The following ADAM33 variants were observed in gnomAD, a reference collection of about 807,000 sequenced individuals.
ADAM33 encodes the protein ADAM metallopeptidase domain 33, also known as disintegrin and metalloproteinase domain-containing protein 33.
A neutral mutation model predicts 106.2 loss-of-function variants in ADAM33; 103 were observed. The ratio of observed to expected loss-of-function variants is 0.97; its 90% CI spans 0.83 to 1.14. The LOEUF (loss-of-function observed/expected upper bound fraction) is 1.14. Ranked by LOEUF, ADAM33 falls within the 50% of genes most tolerant of loss-of-function variation. The probability of loss-of-function intolerance (pLI) is 0.00; values close to 1 mark genes in which losing one functional copy is unlikely to be tolerated. For synonymous variants in ADAM33, 483 were observed against 453.0 expected (o/e 1.07, Z -0.84); for missense variants, 1,120 against 1,096.6 (o/e 1.02, Z -0.30).
chr20:3,673,995 A>T lies in ADAM33; in HGVS notation c.738+69T>A, dbSNP rs947166630. ...CGTGGGGCGCCCTTCCTCTTCCCCA[A>T]ACCCCACCAGCACCTGCCTGTCCTG... is the stretch of plus-strand genomic sequence containing the variant. On this transcript the variant is annotated intron_variant, in intron 8 of 21. Coordinates refer to ENST00000356518, the MANE Select transcript of ADAM33 (RefSeq NM_025220.5). The T allele has an allele frequency of 2.5e-6, 4 of 1,609,296 alleles. No homozygotes were observed. In the Middle Eastern group the frequency reaches 5.2e-4, roughly 209 times the overall value.
At chr20:3,669,221 G>A in intron 21 of ADAM33, 78 bp downstream of exon 21, 1 of 1,363,372 alleles carries the variant, frequency 7.3e-7, no homozygotes, top group Non-Finnish European at 1.0e-6. Flanking sequence ...CTGATTAGGG[G>A]GCAGCAAACT....
rs942823468 is a variant in ADAM33 at position 3,673,020 on chromosome 20, A to T, written c.1134-122T>A. 2.8e-6 allele frequency: 4 copies of T among 1,435,112 alleles called. No homozygotes were observed. The East Asian group carries it at 7.6e-5, about 27-fold the overall frequency. The allele number at this position is 1,435,112 out of a possible 1,614,324, so 88.9% of individuals were successfully genotyped here. A position where few individuals can be genotyped will look rare whatever the true frequency, so the allele number is the denominator to read the frequency against. On this transcript the variant is annotated intron_variant, in intron 11 of 21. Transcript: ENST00000356518. ...CGCGCAGAGCCCAGAGAGGGGAAGT[A>T]ACCCGCGCAAAGTCACACAACAAGC...
In ADAM33 at chr20:3,669,599, CCGCCCAGGGGGTGG is replaced by C; in HGVS notation, c.2265_2278del (p.Asp755GlufsTer21). 1 of 1,604,000 alleles carries C rather than the reference CCGCCCAGGGGGTGG, an allele frequency of 6.2e-7. No individual in the cohort carries two copies. On this transcript the variant is annotated frameshift_variant, in exon 20 of 22. Coordinates refer to ENST00000356518, the MANE Select transcript of ADAM33 (RefSeq NM_025220.5). LOFTEE classifies it high-confidence loss of function. The stretch of plus-strand genomic sequence containing the variant: ...GGGGCCCAACTCCATGGGGTGAACG[CCGCCCAGGGGGTGG>C]TCCCTGTGTGGGCCATCTTTGGGGC...
Position 3,673,476 on chromosome 20 carries a change from G to A in ADAM33, c.1011C>T (p.Ile337=), listed in dbSNP as rs1489457668. ...CATGGGCCATGGTGGCTGCGGCGCC[G>A]ATGGGGAGCTCCGAGTGGTCCTGGG... ...GVSTDHSELP[I]GAAATMAHEI... Residue 337 remains isoleucine, a synonymous_variant, in exon 11 of 22, where the codon ATC becomes ATT. Transcript: ENST00000356518. 1 of 1,536,836 alleles carries A rather than the reference G, an allele frequency of 6.5e-7. No homozygotes were observed. The highest frequency in any genetic ancestry group is 8.7e-7 in the Non-Finnish European group (1 of 1,148,616).
intron 19 of ADAM33, 23 bp downstream of exon 19, chr20:3,670,983 G>T: frequency 6.5e-7 from 1 of 1,532,648 alleles, no homozygotes. Flanking sequence ...AGTAGGCTCA[G>T]GAAGCAGGCG....
In ADAM33 at chr20:3,674,300, T is replaced by G. The variant is rs1423801308; in HGVS notation, c.601-16A>C. On this transcript the variant is annotated splice_polypyrimidine_tract_variant and intron_variant, in intron 6 of 21. Coordinates refer to ENST00000356518, the MANE Select transcript of ADAM33 (RefSeq NM_025220.5). ...CTCGCCTGCCCTGCGGAGGTGCAAA[T>G]GGGGACCCTGAGTGGAAGCTGCTGG... is the stretch of plus-strand genomic sequence containing the variant. 2 of 1,613,558 alleles carry G rather than the reference T, an allele frequency of 1.2e-6. No individual in the cohort carries two copies. The highest frequency in any genetic ancestry group is 2.7e-5 in the African/African-American group (2 of 74,930).
At position 3,673,667 on chromosome 20, in the gene ADAM33, G is replaced by C. The variant is rs1481845924; in HGVS notation, c.906-9C>G. 5.9e-6 allele frequency: 8 copies of C among 1,345,108 alleles called. No homozygotes were observed. In the East Asian group the frequency reaches 2.5e-4, roughly 41 times the overall value. The allele number at this position is 1,345,108 out of a possible 1,614,324, so 83.3% of individuals were successfully genotyped here. A position where few individuals can be genotyped will look rare whatever the true frequency, so the allele number is the denominator to read the frequency against. ...CCTGGAAGGCGCGGCCCCTGGGGGC[G>C]GAGCGCGGCGTGACCAGGCGGGGCC... On this transcript the variant is annotated splice_polypyrimidine_tract_variant and intron_variant, in intron 9 of 21. Coordinates refer to ENST00000356518, the MANE Select transcript of ADAM33 (RefSeq NM_025220.5).
rs773020678 is a variant in ADAM33, at chr20:3,674,244, A to G, written c.641T>C (p.Leu214Pro). The stretch of plus-strand genomic sequence containing the variant: ...CAGGGTGTGGTCTGCCACAATGTAC[A>G]GTTCCAGGTACTTCCGGGTCCTGCG... ...EARRTRKYLE[L>P]YIVADHTLFL... The change falls in exon 7 of 22, where the codon CTG becomes CCG. Residue 214 changes from leucine to proline, a missense_variant. Transcript: ENST00000356518. 7 of 1,614,034 alleles carry G rather than the reference A, an allele frequency of 4.3e-6. No homozygotes were observed. In the Admixed American group the frequency reaches 1.2e-4, roughly 27 times the overall value.
chr20:3,669,250 G>A, intron 21 of ADAM33, 49 bp downstream of exon 21: 2 of 1,281,980 alleles, frequency 1.6e-6, no homozygotes, highest in South Asian at 2.7e-5. Context: ...GGAGAGGTGG[G>A]AGGGTGGGCG....
In ADAM33 at chr20:3,673,618, C is replaced by T. The variant is rs41459049; in HGVS notation, c.946G>A (p.Val316Ile). Residue 316 changes from valine to isoleucine, a missense_variant, in exon 10 of 22, where the codon GTC (valine) becomes ATC (isoleucine). Coordinates refer to ENST00000356518, the MANE Select transcript of ADAM33 (RefSeq NM_025220.5). Reference protein sequence around the residue: ...FQGATVGLAPVEGMCRAESSG... With the variant: ...FQGATVGLAPIEGMCRAESSG... ...CTCTCGGCGCGGCACATGCCCTCGA[C>T]GGGCGCCAGGCCCACTGTGGCGCCC... is the stretch of plus-strand genomic sequence containing the variant. 82 of 1,359,700 alleles carry T rather than the reference C, an allele frequency of 6.0e-5. No individual in the cohort carries two copies. In the East Asian group the frequency reaches 2.0e-3, roughly 33 times the overall value. The allele number at this position is 1,359,700 out of a possible 1,614,324, so 84.2% of individuals were successfully genotyped here.
In ADAM33 at chr20:3,673,841, C is replaced by T. The variant is rs1193444547; in HGVS notation, c.809G>A (p.Arg270His). The T allele has an allele frequency of 1.3e-6, 2 of 1,564,818 alleles. No individual in the cohort carries two copies. The highest frequency in any genetic ancestry group is 1.7e-6 in the Non-Finnish European group (2 of 1,163,520). The stretch of plus-strand genomic sequence containing the variant: ...CGTGGCGTTGGCGTCCTGCGTGACG[C>T]GGCTGCGGTCCCGCTCGGTCCACAC... ...LEVWTERDRS[R>H]VTQDANATLW... The change falls in exon 9 of 22, where the codon CGC (arginine) becomes CAC (histidine). Residue 270 changes from arginine to histidine, a missense_variant. By Grantham distance (29) the Arg-to-His change is conservative (BLOSUM62 0). Transcript: ENST00000356518.
rs747087288 is a variant in ADAM33, at chr20:3,671,681, T to A, written c.1805A>T (p.Gln602Leu). Residue 602 changes from glutamine (Q) to leucine (L), a missense_variant, in exon 16 of 22, where the codon CAG becomes CTG. Gln to Leu is a moderately radical substitution (Grantham distance 113). Coordinates refer to ENST00000356518, the MANE Select transcript of ADAM33 (RefSeq NM_025220.5). Reference sequence around the variant, plus strand: ...CAAGGCTCCCCGACAAGTCACTTCCTGGCCATCTAGGTGAACGGTAGAGTC... The same window carrying A: ...CAAGGCTCCCCGACAAGTCACTTCCAGGCCATCTAGGTGAACGGTAGAGTC... ...PVDSTVHLDGQEVTCRGALAL... is the reference protein window; with the variant it reads ...PVDSTVHLDGLEVTCRGALAL... 1.9e-5 allele frequency: 30 copies of A among 1,586,230 alleles called. No individual in the cohort carries two copies. The Admixed American group carries it at 5.3e-4, about 28-fold the overall frequency.
At position 3,672,730 on chromosome 20, in the gene ADAM33, G is replaced by A. The variant is rs779922655; in HGVS notation, c.1302C>T (p.Gly434=). ...FVEAGEECDC[G]PGQECRDLCC... is the part of the protein sequence containing the mutation. ...GGCGAGCCGACTTAACCTGGCCAGG[G>A]CCGCAGTCACACTCCTCGCCCGCTT... The change falls in exon 12 of 22, where the codon GGC becomes GGT. Residue 434 remains glycine, a synonymous_variant. Coordinates refer to ENST00000356518, the MANE Select transcript of ADAM33 (RefSeq NM_025220.5). 10 of 1,576,500 alleles carry A rather than the reference G, an allele frequency of 6.3e-6. No individual in the cohort carries two copies. The highest frequency in any genetic ancestry group is 1.4e-5 in the African/African-American group (1 of 74,018).
chr20:3,681,130 C>T (rs1303302132), intron 1 of ADAM33, among the ~76,000 whole-genome samples: 1 of 152,206 alleles, frequency 6.6e-6, no homozygotes, highest in Non-Finnish European at 1.5e-5. Context: ...CAGCCCAGCC[C>T]CGCATGCCCC....
rs1432795347 is a variant in ADAM33 at position 3,675,070 on chromosome 20, T to C, written c.290A>G (p.Tyr97Cys). 3 of 1,613,276 alleles carry C rather than the reference T, an allele frequency of 1.9e-6. No individual in the cohort carries two copies. The highest frequency in any genetic ancestry group is 2.5e-6 in the Non-Finnish European group (3 of 1,179,852). ...CACCACTGGCTGCCCATCTGGGCCG[T>C]AGTGGGTTTCTATGTATCCTGGGGC... ...LLAPGYIETH[Y>C]GPDGQPVVLA... Residue 97 changes from tyrosine to cysteine, a missense_variant, in exon 4 of 22, where the codon TAC becomes TGC. By Grantham distance (194) the Tyr-to-Cys change is radical. Coordinates refer to ENST00000356518, the MANE Select transcript of ADAM33 (RefSeq NM_025220.5). The surrounding 1 kb of genome is among the most constrained non-coding windows in gnomAD (Gnocchi z 4.1).
chr20:3,673,167 A>G, intron 11 of ADAM33, 187 bp downstream of exon 11: 1 of 1,506,740 alleles, frequency 6.6e-7, no homozygotes. Context: ...AATAATCTTC[A>G]TACCGTTGAG....
At chr20:3,674,384 A>G in intron 6 of ADAM33, 100 bp from the exon 7 acceptor site, 1 of 1,603,564 alleles carries the variant, frequency 6.2e-7, no homozygotes, top group Non-Finnish European at 8.5e-7. Context: ...GTTTTCTGGA[A>G]CTTGTTTCTT....
Position 3,669,015 on chromosome 20 carries a change from G to A in ADAM33, c.2405-15C>T. The A allele has an allele frequency of 1.2e-6, 2 of 1,613,914 alleles. No homozygotes were observed. Among genetic ancestry groups the A allele is most frequent in the Non-Finnish European group, 1.7e-6 (2 of 1,179,898 alleles). On this transcript the variant is annotated splice_polypyrimidine_tract_variant and intron_variant, in intron 21 of 21. Transcript: ENST00000356518. The stretch of plus-strand genomic sequence containing the variant: ...GACTTGATCTGCTGAGAATGAGGAG[G>A]ATATGTTGTCCCCTAAGGACTGGGG...
At position 3,671,452 on chromosome 20, in the gene ADAM33, A is replaced by G. The variant is rs2087528779; in HGVS notation, c.1950T>C (p.Leu650=). The G allele has an allele frequency of 6.2e-7, 1 of 1,612,246 alleles. No individual in the cohort carries two copies. The highest frequency in any genetic ancestry group is 8.5e-7 in the Non-Finnish European group (1 of 1,179,140). The part of the protein sequence containing the change: ...RRCRKNAFQE[L]QRCLTACHSH... ...TGTGGCAGGCAGTCAGGCAGCGCTG[A>G]AGCTCCTGGAAGGCATTCTTCCTGC... is the stretch of plus-strand genomic sequence containing the variant. The change falls in exon 17 of 22, where the codon CTT becomes CTC. Residue 650 remains leucine, a synonymous_variant. Coordinates refer to ENST00000356518, the MANE Select transcript of ADAM33 (RefSeq NM_025220.5).
Sources: allele counts gnomAD v4.1 joint callset (sites outside exome capture counted in the v4.1 genomes callset), GRCh38; gene constraint gnomAD v4.1.1; non-coding constraint Gnocchi (gnomAD v3.1); transcripts MANE v1.5; gene names NCBI Gene and HGNC (gene_info 2026-07-23, HGNC 2026-07-21).